Variants in UNC5D observed in about 807,000 individuals in gnomAD.
UNC5D encodes the protein netrin receptor UNC5D.
A neutral mutation model predicts 105.4 loss-of-function variants in UNC5D; 39 were observed. The observed-to-expected ratio is 0.37, with a 90% CI of 0.29 to 0.48. UNC5D has a LOEUF of 0.48. Among genes scored for constraint, UNC5D ranks in the 20% least tolerant of loss-of-function variants. The probability of loss-of-function intolerance (pLI) is 0.98; values close to 1 mark genes in which losing one functional copy is unlikely to be tolerated. For synonymous variants in UNC5D, 452 were observed against 450.4 expected, an observed-to-expected ratio of 1.00 and a Z score of -0.04; for missense variants, 991 against 1,202.4, an observed-to-expected ratio of 0.82 and a Z score of 2.60.
At chr8:35,594,270 C>T (rs541859775) in intron 3 of UNC5D, among the ~76,000 whole-genome samples, 3 of 152,226 alleles carry the variant, frequency 2.0e-5, no homozygotes, top group African/African-American at 4.8e-5. Flanking sequence ...GAGTAAAATT[C>T]GGAGGAAAGT....
intron 2 of UNC5D, among the ~76,000 whole-genome samples, chr8:35,561,358 C>A (rs967304267): frequency 3.3e-5 from 5 of 152,118 alleles, no homozygotes; most frequent in Non-Finnish European, 7.4e-5. Flanking sequence ...AGGCCCTTGG[C>A]CACATGTTCC....
intron 11 of UNC5D, among the ~76,000 whole-genome samples, chr8:35,748,238 C>T (rs1168850624): frequency 6.6e-6 from 1 of 152,166 alleles, no homozygotes; most frequent in African/African-American, 2.4e-5. Context: ...GACCCACCAG[C>T]CAGGTCTTTG....
chr8:35,693,517 G>A (rs1229463992), intron 7 of UNC5D, among the ~76,000 whole-genome samples: 3 of 152,054 alleles, frequency 2.0e-5, no homozygotes, highest in South Asian at 4.1e-4. Context: ...TACCAACCAG[G>A]TCTGAAACAC....
At chr8:35,341,116 A>G (rs1336063796) in intron 1 of UNC5D, among the ~76,000 whole-genome samples, 1 of 152,156 alleles carries the variant, frequency 6.6e-6, no homozygotes, top group Non-Finnish European at 1.5e-5. Flanking sequence ...TCACAAAGAT[A>G]TCATTCAATT....
At chr8:35,714,469 G>C (rs1420471381) in intron 8 of UNC5D, among the ~76,000 whole-genome samples, 3 of 152,170 alleles carry the variant, frequency 2.0e-5, no homozygotes, top group Non-Finnish European at 4.4e-5. Flanking sequence ...GGCACTGTCT[G>C]TATGTGAGTG....
chr8:35,641,378 A>G (rs1422724623), intron 4 of UNC5D, among the ~76,000 whole-genome samples: 6 of 150,370 alleles, frequency 4.0e-5, no homozygotes, highest in East Asian at 1.9e-4. Context: ...AAAAAAAAAA[A>G]AAAAAAAGAA....
chr8:35,317,522 G>A (rs369792386), intron 1 of UNC5D, among the ~76,000 whole-genome samples: 1 of 152,064 alleles, frequency 6.6e-6, no homozygotes, highest in African/African-American at 2.4e-5. Flanking sequence ...AACTAAGGAT[G>A]GTGAATCACA....
At position 35,683,561 on chromosome 8, in the gene UNC5D, A is replaced by G. The variant is rs907619160; in HGVS notation, c.585A>G (p.Lys195=). 1 of 1,557,580 alleles carries G rather than the reference A, an allele frequency of 6.4e-7. No homozygotes were observed. The highest frequency in any genetic ancestry group is 1.4e-5 in the African/African-American group (1 of 70,962). The part of the protein sequence containing the change: ...GVPAAEVEWL[K]NEEPIDSEQD... ...TCTTCCTGTAGGTGGAATGGCTGAA[A>G]AATGAAGAGCCCATTGACTCTGAAC... The change falls in exon 5 of 17, where the codon AAA becomes AAG. Residue 195 remains lysine, a synonymous_variant. Transcript: ENST00000404895.
At position 35,774,486 on chromosome 8, in the gene UNC5D, G is replaced by A. The variant is rs1357372992; in HGVS notation, c.2657+9G>A. 1.2e-6 allele frequency: 2 copies of A among 1,613,562 alleles called. No homozygotes were observed. The highest frequency in any genetic ancestry group is 1.7e-6 in the Non-Finnish European group (2 of 1,179,788). ...AAAAACAGCATCAACAGGTAATTGG[G>A]GACAGCTTCTGGAAGACGATGTTAC... On this transcript the variant is annotated intron_variant, in intron 16 of 16. Transcript: ENST00000404895.
At chr8:35,700,701 T>C (rs1827131546) in intron 7 of UNC5D, among the ~76,000 whole-genome samples, 1 of 152,132 alleles carries the variant, frequency 6.6e-6, no homozygotes, top group Admixed American at 6.5e-5. Flanking sequence ...AATAGATTTA[T>C]CAGACTAGTA....
intron 1 of UNC5D, among the ~76,000 whole-genome samples, chr8:35,537,023 C>A (rs1042267918): frequency 4.0e-5 from 6 of 151,530 alleles, no homozygotes; most frequent in Admixed American, 1.3e-4. Context: ...ACAACAACAA[C>A]AAAAAAGGTG....
intron 1 of UNC5D, among the ~76,000 whole-genome samples, chr8:35,251,533 T>G (rs1029974643): frequency 6.6e-6 from 1 of 152,166 alleles, no homozygotes; most frequent in Non-Finnish European, 1.5e-5. Flanking sequence ...GCACACAACG[T>G]TTCACCTTTT....
At position 35,767,014 on chromosome 8, in the gene UNC5D, G is replaced by C. The variant is rs1801804369; in HGVS notation, c.2426G>C (p.Arg809Pro). ...CAGCTGTCCTGCAAAATCTGCATTC[G>C]GCAGCTCAAAGGCCATGAACAGATC... ...TTQLSCKICI[R>P]QLKGHEQILQ... Residue 809 changes from arginine to proline, a missense_variant, in exon 15 of 17, where the codon CGG becomes CCG. Arg to Pro is a moderately radical substitution (Grantham distance 103). Transcript: ENST00000404895. The C allele has an allele frequency of 6.2e-7, 1 of 1,613,790 alleles. No individual in the cohort carries two copies. Among genetic ancestry groups the C allele is most frequent in the Non-Finnish European group, 8.5e-7 (1 of 1,179,948 alleles).
chr8:35,331,056 G>GT (rs906281923), intron 1 of UNC5D, among the ~76,000 whole-genome samples: 31 of 151,824 alleles, frequency 2.0e-4, no homozygotes, highest in African/African-American at 3.9e-4. Flanking sequence ...GTCTTGATTT[G>GT]TTTTTTTTGG....
At chr8:35,336,176 G>A (rs1286653720) in intron 1 of UNC5D, among the ~76,000 whole-genome samples, 2 of 152,166 alleles carry the variant, frequency 1.3e-5, no homozygotes, top group Non-Finnish European at 2.9e-5. Flanking sequence ...AGTGACAGAA[G>A]AGGTAATATA....
At chr8:35,785,966 C>T (rs1338402491) in intron 16 of UNC5D, among the ~76,000 whole-genome samples, 3 of 152,146 alleles carry the variant, frequency 2.0e-5, no homozygotes, top group East Asian at 3.9e-4. Flanking sequence ...CTCTCATCTT[C>T]CCTGCTTAAG....
At chr8:35,349,492 C>T (rs1195818872) in intron 1 of UNC5D, among the ~76,000 whole-genome samples, 2 of 151,950 alleles carry the variant, frequency 1.3e-5, no homozygotes, top group African/African-American at 4.8e-5. Context: ...CTATAAAGTT[C>T]AGAGTAGCAG....
intron 1 of UNC5D, among the ~76,000 whole-genome samples, chr8:35,438,291 A>G (rs1405086385): frequency 6.6e-6 from 1 of 152,070 alleles, no homozygotes; most frequent in African/African-American, 2.4e-5. Context: ...ACTCATTTGT[A>G]TAATGCGAAT....
intron 4 of UNC5D, among the ~76,000 whole-genome samples, chr8:35,649,219 G>A (rs1243873170): frequency 6.6e-6 from 1 of 152,140 alleles, no homozygotes; most frequent in African/African-American, 2.4e-5. Flanking sequence ...CTAGGCAAGG[G>A]AAGTTGCGTA....
Sources: gnomAD v4.1 joint callset for allele counts (sites outside exome capture counted in the v4.1 genomes callset) on GRCh38, gnomAD v4.1.1 for gene constraint, MANE v1.5 for transcripts, NCBI Gene and HGNC (gene_info 2026-07-23, HGNC 2026-07-21) for gene names.